WDHD1: variants seen among roughly 807,000 people sequenced by gnomAD.
The protein encoded by WDHD1 is WD repeat and HMG-box DNA-binding protein 1.
A neutral mutation model predicts 135.4 loss-of-function variants in WDHD1; 111 were observed. The ratio of observed to expected loss-of-function variants is 0.82; its 90% CI spans 0.70 to 0.96. The LOEUF is 0.96. Ranked by LOEUF, WDHD1 falls within the 40% of genes least tolerant of loss-of-function variation. The pLI is 0.00. For missense variants in WDHD1, 1,351 were observed against 1,336.3 expected (o/e 1.01, Z -0.17); for synonymous variants, 434 against 439.0 (o/e 0.99, Z 0.14).
At position 55,000,610 on chromosome 14, in the gene WDHD1, G is replaced by A. The variant is rs1187926070; in HGVS notation, c.835C>T (p.Leu279=). The A allele has an allele frequency of 3.1e-6, 5 of 1,598,852 alleles. No homozygotes were observed. The highest frequency in any genetic ancestry group is 1.7e-4 in the Middle Eastern group (1 of 5,992). The change falls in exon 10 of 26, where the codon CTG becomes TTG. Residue 279 remains leucine, a synonymous_variant. Coordinates refer to ENST00000360586, the MANE Select transcript of WDHD1 (RefSeq NM_007086.4). The stretch of plus-strand genomic sequence containing the variant: ...CGACCACAAGTAGGATGCCATGCCA[G>A]ACCACAAATTGCATAACCTTTCTCA... The part of the protein sequence containing the change: ...KHEKGYAICG[L]AWHPTCGRIS...
Position 54,995,689 on chromosome 14 carries a change from T to A in WDHD1, c.1067A>T (p.Asp356Val). The A allele has an allele frequency of 6.2e-7, 1 of 1,613,876 alleles. No individual in the cohort carries two copies. Among genetic ancestry groups the A allele is most frequent in the South Asian group, 1.1e-5 (1 of 91,018 alleles). The stretch of plus-strand genomic sequence containing the variant: ...CATGAGGTCTTCATCATCCTCATCA[T>A]CATTTATAATCCCTTTTGAAAAAGA... ...IPSFSKGIIN[D>V]DEDDEDLMMA... The change falls in exon 11 of 26, where the codon GAT becomes GTT. Residue 356 changes from aspartate to valine, a missense_variant. By Grantham distance (152) the Asp-to-Val change is radical. Transcript: ENST00000360586.
intron 3 of WDHD1, among the ~76,000 whole-genome samples, chr14:55,011,554 T>A (rs1486364049): frequency 1.5e-5 from 2 of 133,214 alleles, no homozygotes; most frequent in East Asian, 2.1e-4. Flanking sequence ...AAAAAAAGTA[T>A]CCTGAGCAGA....
chr14:54,950,114 TA>T lies in WDHD1; in HGVS notation c.3050+5446del, dbSNP rs2041016890. Among the ~76,000 whole-genome samples the T allele has an allele frequency of 2.0e-5, 3 of 152,316 alleles. No homozygotes were observed. The South Asian group carries it at 6.2e-4, about 32-fold the overall frequency. Reference sequence around the variant, plus strand: ...TGAGCAAAGTAACCAGCTAACATCATAATGACAGGATCAAATTCACACATAA... The same window carrying T: ...TGAGCAAAGTAACCAGCTAACATCATATGACAGGATCAAATTCACACATAA... On this transcript the variant is annotated intron_variant, in intron 24 of 25. Coordinates refer to ENST00000360586, the MANE Select transcript of WDHD1 (RefSeq NM_007086.4).
Position 55,008,601 on chromosome 14 carries a change from T to A in WDHD1, c.453+7A>T. ...AAAACACAAAAAGAGAAGGAAAAAA[T>A]AATTACCAGAAAGATGTCCTTAGGA... On this transcript the variant is annotated splice_region_variant and intron_variant, in intron 5 of 25. Transcript: ENST00000360586. 1 of 1,579,418 alleles carries A rather than the reference T, an allele frequency of 6.3e-7. No homozygotes were observed. The highest frequency in any genetic ancestry group is 1.2e-5 in the South Asian group (1 of 84,322).
At chr14:54,947,152 C>A (rs1320532049) in intron 24 of WDHD1, among the ~76,000 whole-genome samples, 2 of 152,040 alleles carry the variant, frequency 1.3e-5, no homozygotes, top group Admixed American at 6.6e-5. Flanking sequence ...CCAGCCTGAC[C>A]AACATGGAGA....
At chr14:54,984,583 T>C (rs1362753012) in intron 15 of WDHD1, 140 bp downstream of exon 15, 7 of 759,836 alleles carry the variant, frequency 9.2e-6, no homozygotes, top group African/African-American at 1.8e-5. Context: ...TGCCAACATA[T>C]TAAAATAGAA....
rs142778442 is a variant in WDHD1 at position 54,970,192 on chromosome 14, T to C, written c.2064-2798A>G. Among the ~76,000 whole-genome samples, 407 of 152,268 alleles carry C rather than the reference T, an allele frequency of 2.7e-3. 1 individual carries two copies. The highest frequency in any genetic ancestry group is 9.0e-3 in the African/African-American group (375 of 41,558). On this transcript the variant is annotated intron_variant, in intron 16 of 25. Coordinates refer to ENST00000360586, the MANE Select transcript of WDHD1 (RefSeq NM_007086.4). ...ATATTTAACAGAGTACTGAAAATCTTAGCCAGAACAATCAAGTAAGATACC... is the reference window on the plus strand; with the variant it reads ...ATATTTAACAGAGTACTGAAAATCTCAGCCAGAACAATCAAGTAAGATACC...
chr14:55,022,455 C>A (rs1032885325), intron 2 of WDHD1, among the ~76,000 whole-genome samples: 2 of 152,036 alleles, frequency 1.3e-5, no homozygotes, highest in African/African-American at 2.4e-5. Flanking sequence ...CAGAATAGGG[C>A]ACTTTAGTCT....
At chr14:55,015,970 A>G (rs1397077497) in intron 2 of WDHD1, among the ~76,000 whole-genome samples, 1 of 152,214 alleles carries the variant, frequency 6.6e-6, no homozygotes, top group Non-Finnish European at 1.5e-5. Flanking sequence ...AAGTGCTGGG[A>G]TTATAGGCAT....
intron 2 of WDHD1, among the ~76,000 whole-genome samples, chr14:55,018,941 T>C (rs1029083445): frequency 5.9e-5 from 9 of 152,134 alleles, no homozygotes; most frequent in African/African-American, 2.2e-4. Context: ...GAGAATTGCT[T>C]GAACCTGGGA....
At chr14:55,021,483 T>C (rs2042346575) in intron 2 of WDHD1, among the ~76,000 whole-genome samples, 1 of 152,014 alleles carries the variant, frequency 6.6e-6, no homozygotes, top group African/African-American at 2.4e-5. Flanking sequence ...CTCGGCTCAC[T>C]GCAACCTCCA....
intron 10 of WDHD1, among the ~76,000 whole-genome samples, chr14:54,997,653 C>CT (rs1468309392): frequency 1.3e-5 from 2 of 151,916 alleles, no homozygotes; most frequent in East Asian, 1.9e-4. Flanking sequence ...TGTCTCATGC[C>CT]TGTAATCCCA....
At chr14:54,981,890 A>T (rs1423132764) in intron 15 of WDHD1, among the ~76,000 whole-genome samples, 194 bp from the exon 16 acceptor site, 1 of 152,194 alleles carries the variant, frequency 6.6e-6, no homozygotes, top group Non-Finnish European at 1.5e-5. Context: ...AAAAAAGAAA[A>T]AACATTGGAT....
intron 2 of WDHD1, among the ~76,000 whole-genome samples, chr14:55,015,867 C>G (rs1466851451): frequency 6.6e-6 from 1 of 151,884 alleles, no homozygotes; most frequent in Non-Finnish European, 1.5e-5. Flanking sequence ...CCCAGCTAAT[C>G]TTTGTGTTTT....
chr14:54,954,409 T>C (rs1479482318), intron 24 of WDHD1, among the ~76,000 whole-genome samples: 7 of 152,234 alleles, frequency 4.6e-5, no homozygotes, highest in African/African-American at 1.4e-4. Flanking sequence ...TAAAGGTGTA[T>C]AAAATGATAC....
At position 55,026,922 on chromosome 14, in the gene WDHD1, A is replaced by C. The variant is rs1594604917; in HGVS notation, c.-17+106T>G. The C allele has an allele frequency of 3.5e-6, 3 of 869,124 alleles. 1 individual carries two copies. Among genetic ancestry groups the C allele is most frequent in the South Asian group, 2.8e-5 (2 of 70,214 alleles). The allele number at this position is 869,124 out of a possible 1,614,324, so 53.8% of individuals were successfully genotyped here. On this transcript the variant is annotated intron_variant, in intron 1 of 25. Transcript: ENST00000360586. Reference sequence around the variant, plus strand: ...CGTTCTCCGCAGCCCGGTTTCCCCCACCCGAGTGACACCAGCGGGATAAGG... The same window carrying C: ...CGTTCTCCGCAGCCCGGTTTCCCCCCCCCGAGTGACACCAGCGGGATAAGG...
chr14:55,000,528 G>T lies in WDHD1; in HGVS notation c.917C>A (p.Pro306His). 1.2e-6 allele frequency: 2 copies of T among 1,603,252 alleles called. No individual in the cohort carries two copies. Among genetic ancestry groups the T allele is most frequent in the South Asian group, 2.2e-5 (2 of 89,444 alleles). Residue 306 changes from proline (P) to histidine (H), a missense_variant, in exon 10 of 26, where the codon CCC becomes CAC. Physicochemically the swap from Pro to His is moderately conservative, Grantham distance 77 (BLOSUM62 -2). Coordinates refer to ENST00000360586, the MANE Select transcript of WDHD1 (RefSeq NM_007086.4). ...NLGLLENVCD[P>H]SGKTSSSKVS... ...CTTACTGCTTGATGTCTTTCCACTG[G>T]GGTCACAAACATTCTCTAGAAGCCC...
intron 3 of WDHD1, 148 bp downstream of exon 3, chr14:55,013,337 G>C (rs2042204870): frequency 1.9e-6 from 1 of 533,762 alleles, no homozygotes; most frequent in African/African-American, 1.9e-5. Context: ...AAAATGGTAG[G>C]GCAAGTTACG....
intron 2 of WDHD1, among the ~76,000 whole-genome samples, chr14:55,017,691 G>A (rs192621686): frequency 5.5e-4 from 83 of 152,200 alleles, no homozygotes; most frequent in Non-Finnish European, 9.3e-4. Flanking sequence ...AAACACAAAA[G>A]TACTTGAATT....
Sources: gnomAD v4.1 joint callset for allele counts (sites outside exome capture counted in the v4.1 genomes callset) on GRCh38, gnomAD v4.1.1 for gene constraint, MANE v1.5 for transcripts, NCBI Gene and HGNC (gene_info 2026-07-23, HGNC 2026-07-21) for gene names.